ABCA13: variants seen among roughly 807,000 people sequenced by gnomAD.
The protein encoded by ABCA13 is ATP binding cassette subfamily A member 13, also known as ATP-binding cassette sub-family A member 13.
A neutral mutation model predicts 478.7 loss-of-function variants in ABCA13; 476 were observed. The ratio of observed to expected loss-of-function variants is 0.99; its 90% CI spans 0.92 to 1.07. The LOEUF (loss-of-function observed/expected upper bound fraction) is 1.07, where lower values mean the gene tolerates loss of function less well. Ranked by LOEUF, ABCA13 falls within the 50% of genes least tolerant of loss-of-function variation. The pLI is 0.00. For missense variants in ABCA13, 6,060 were observed against 5,910.6 expected, an observed-to-expected ratio of 1.03 and a Z score of -0.83; for synonymous variants, 2,252 against 2,158.9, an observed-to-expected ratio of 1.04 and a Z score of -1.20.
intron 58 of ABCA13, among the ~76,000 whole-genome samples, chr7:48,614,996 T>C (rs2131563570): frequency 6.7e-6 from 1 of 150,310 alleles, no homozygotes; most frequent in Non-Finnish European, 1.5e-5. Flanking sequence ...GTAACAAACC[T>C]GCACATTGTG....
intron 1 of ABCA13, among the ~76,000 whole-genome samples, chr7:48,181,378 A>G (rs1583999165): frequency 6.6e-6 from 1 of 151,946 alleles, no homozygotes; most frequent in East Asian, 1.9e-4. Context: ...GACAGTTTGT[A>G]TATCTTAAAA....
chr7:48,541,438 C>T (rs902453911), intron 55 of ABCA13, among the ~76,000 whole-genome samples: 5 of 151,834 alleles, frequency 3.3e-5, no homozygotes, highest in South Asian at 2.1e-4. Context: ...TCTTATTCGC[C>T]GAGTATTAAG....
chr7:48,448,463 C>A (rs1223432997), intron 42 of ABCA13, among the ~76,000 whole-genome samples: 1 of 152,124 alleles, frequency 6.6e-6, no homozygotes, highest in Non-Finnish European at 1.5e-5. Context: ...AACCTTTATT[C>A]AAAAATGTGG....
intron 58 of ABCA13, among the ~76,000 whole-genome samples, chr7:48,595,935 T>C (rs1790243168): frequency 6.6e-6 from 1 of 152,226 alleles, no homozygotes; most frequent in Non-Finnish European, 1.5e-5. Flanking sequence ...ATTCAGTCTA[T>C]GCTTGAGTAC....
chr7:48,500,041 T>A (rs2130802888), intron 48 of ABCA13, among the ~76,000 whole-genome samples: 1 of 152,298 alleles, frequency 6.6e-6, no homozygotes, highest in Non-Finnish European at 1.5e-5. Context: ...GGGTTGTAGT[T>A]CTCACTCTGG....
Position 48,646,000 on chromosome 7 carries a change from T to C in ABCA13, c.*488T>C, listed in dbSNP as rs1795413719. 6.5e-6 allele frequency: 1 copy of C among 154,140 alleles called. No homozygotes were observed. Among genetic ancestry groups the C allele is most frequent in the African/African-American group, 2.4e-5 (1 of 41,456 alleles). 9.5% of individuals were successfully genotyped at this position (154,140 alleles called of 1,614,324 possible). ...TTGTCATCTATTTACTAGATACATG[T>C]TTTTAATGATTTTAATGTAAGCTTT... On this transcript the variant is annotated 3_prime_UTR_variant, in exon 62 of 62. Coordinates refer to ENST00000435803, the MANE Select transcript of ABCA13 (RefSeq NM_152701.5).
At chr7:48,529,962 G>T (rs1454312736) in intron 55 of ABCA13, among the ~76,000 whole-genome samples, 1 of 151,914 alleles carries the variant, frequency 6.6e-6, no homozygotes, top group Non-Finnish European at 1.5e-5. Context: ...GTGGTGTTTG[G>T]TTACATGAAT....
intron 28 of ABCA13, among the ~76,000 whole-genome samples, chr7:48,337,000 C>T (rs1211033794): frequency 1.3e-5 from 2 of 152,140 alleles, no homozygotes; most frequent in Non-Finnish European, 2.9e-5. Context: ...TAGGGCAGCT[C>T]CTTGTGAAGT....
chr7:48,224,562 T>C (rs1157773588), intron 5 of ABCA13, among the ~76,000 whole-genome samples: 1 of 152,132 alleles, frequency 6.6e-6, no homozygotes, highest in Non-Finnish European at 1.5e-5. Flanking sequence ...TTGAAGTGAG[T>C]GAAAAAGAAA....
intron 55 of ABCA13, among the ~76,000 whole-genome samples, chr7:48,554,824 T>A (rs974066476): frequency 4.5e-5 from 5 of 110,572 alleles, no homozygotes; most frequent in African/African-American, 1.2e-4. Flanking sequence ...TATTATTATT[T>A]ATTATTATTA....
chr7:48,586,986 A>G (rs917384443), intron 56 of ABCA13, among the ~76,000 whole-genome samples, 168 bp from the exon 57 acceptor site: 3 of 152,068 alleles, frequency 2.0e-5, no homozygotes, highest in African/African-American at 7.2e-5. Context: ...TTCACTCTCA[A>G]TTACTGCCTG....
intron 45 of ABCA13, among the ~76,000 whole-genome samples, chr7:48,478,552 C>T (rs561492232): frequency 1.3e-5 from 2 of 152,146 alleles, no homozygotes; most frequent in African/African-American, 2.4e-5. Flanking sequence ...TATATCATCT[C>T]AAGTTTACCA....
intron 20 of ABCA13, among the ~76,000 whole-genome samples, chr7:48,294,525 C>T (rs1481913012): frequency 6.7e-6 from 1 of 150,150 alleles, no homozygotes; most frequent in Non-Finnish European, 1.5e-5. Flanking sequence ...CGGCTCACTG[C>T]AAGCTCCGCT....
chr7:48,376,908 G>C (rs149209356), intron 35 of ABCA13, among the ~76,000 whole-genome samples: 124 of 152,192 alleles, frequency 8.1e-4, no homozygotes, highest in African/African-American at 2.9e-3. Context: ...GGCATGAGGG[G>C]GTGAGGGTGG....
intron 59 of ABCA13, among the ~76,000 whole-genome samples, chr7:48,638,381 G>T (rs1259875627): frequency 1.3e-5 from 2 of 152,172 alleles, no homozygotes; most frequent in African/African-American, 4.8e-5. Flanking sequence ...GTATTAACAT[G>T]AATCAAGCTT....
intron 3 of ABCA13, among the ~76,000 whole-genome samples, chr7:48,207,758 CTTGG>C (rs1424834192): frequency 6.6e-6 from 1 of 151,930 alleles, no homozygotes; most frequent in Non-Finnish European, 1.5e-5. Context: ...TGTTTCTTAA[CTTGG>C]TTTGTTATAT....
intron 42 of ABCA13, among the ~76,000 whole-genome samples, chr7:48,449,018 T>C (rs1353459219): frequency 6.6e-6 from 1 of 152,038 alleles, no homozygotes; most frequent in Non-Finnish European, 1.5e-5. Context: ...AATTTTTGTA[T>C]TTTTAGTAGA....
At chr7:48,316,347 G>A (rs7811035) in intron 26 of ABCA13, among the ~76,000 whole-genome samples, 20,820 of 152,230 alleles carry the variant, frequency 0.14, 1,501 homozygotes, top group East Asian at 0.18. Context: ...TATTGTGACT[G>A]TTGAAATGAG....
In ABCA13 at chr7:48,276,411, A is replaced by G; in HGVS notation, c.6745A>G (p.Thr2249Ala). 1 of 1,561,798 alleles carries G rather than the reference A, an allele frequency of 6.4e-7. No homozygotes were observed. The change falls in exon 17 of 62, where the codon ACT becomes GCT. Residue 2249 changes from threonine to alanine, a missense_variant. This residue lies in a region of ABCA13 where 4,423 missense variants were observed against 4,309.1 expected (regional missense o/e 1.03). Transcript: ENST00000435803. ...NLILNHMQSETSRKTVLSLRS... is the reference protein window; with the variant it reads ...NLILNHMQSEASRKTVLSLRS... The stretch of plus-strand genomic sequence containing the variant: ...TATCTTGAACCATATGCAGTCAGAA[A>G]CTAGTAGGAAAACAGTTCTCTCTCT...
Sources: gnomAD v4.1 joint callset for allele counts (sites outside exome capture counted in the v4.1 genomes callset) on GRCh38, gnomAD v4.1.1 for gene constraint, gnomAD v4.1.1 regional missense constraint, MANE v1.5 for transcripts, NCBI Gene and HGNC (gene_info 2026-07-23, HGNC 2026-07-21) for gene names.